Variants in ABHD16A observed in about 807,000 individuals in gnomAD.
ABHD16A encodes abhydrolase domain containing 16A, phospholipase.
A neutral mutation model predicts 89.8 loss-of-function variants in ABHD16A; 47 were observed. The observed-to-expected ratio is 0.52, with a 90% CI of 0.41 to 0.67. The LOEUF is 0.67. ABHD16A is among the 30% of genes least tolerant of loss of function. ABHD16A has a pLI of 0.00. For synonymous variants in ABHD16A, 251 were observed against 280.4 expected, an observed-to-expected ratio of 0.90 and a Z score of 1.05; for missense variants, 580 against 734.6, an observed-to-expected ratio of 0.79 and a Z score of 2.43.
intron 7 of ABHD16A, 105 bp from the exon 8 acceptor site, chr6:31,692,023 C>G: frequency 1.2e-6 from 1 of 825,344 alleles, no homozygotes; most frequent in Non-Finnish European, 1.9e-6. Context: ...CCTGCTTTAC[C>G]CCTGACCTTC....
In ABHD16A at chr6:31,693,396, A is replaced by G; in HGVS notation, c.466T>C (p.Trp156Arg). 6.2e-7 allele frequency: 1 copy of G among 1,613,046 alleles called. No homozygotes were observed. Among genetic ancestry groups the G allele is most frequent in the Non-Finnish European group, 8.5e-7 (1 of 1,180,028 alleles). ...LANYNFDFRS[W>R]PVDFHWEEPS... ...TCTTCCCAGTGGAAGTCGACTGGCC[A>G]GCTCCGGAAGTCAAAGTTGTAGTTG... Residue 156 changes from tryptophan (W) to arginine (R), a missense_variant, in exon 6 of 20, where the codon TGG (tryptophan) becomes CGG (arginine). This residue lies in a region of ABHD16A where 415 missense variants were observed against 568.8 expected (regional missense o/e 0.73). Coordinates refer to ENST00000395952, the MANE Select transcript of ABHD16A (RefSeq NM_021160.3). This position sits in a 1 kb window ranked among gnomAD's most constrained non-coding sequence, Gnocchi z 5.0.
At chr6:31,701,100 A>C in intron 3 of ABHD16A, 72 bp from the exon 4 acceptor site, 1 of 1,413,706 alleles carries the variant, frequency 7.1e-7, no homozygotes, top group Non-Finnish European at 1.0e-6. Context: ...GTTCAGCCCC[A>C]ACCTCCACCC....
At chr6:31,700,761 A>G (rs1366849548) in intron 4 of ABHD16A, among the ~76,000 whole-genome samples, 181 bp downstream of exon 4, 1 of 149,354 alleles carries the variant, frequency 6.7e-6, no homozygotes, top group Non-Finnish European at 1.5e-5. Context: ...CCTTTTTGTT[A>G]CTTTTCAGTT....
intron 5 of ABHD16A, among the ~76,000 whole-genome samples, chr6:31,694,198 G>T (rs1804168545): frequency 6.6e-6 from 1 of 151,866 alleles, no homozygotes. Flanking sequence ...TGGGACTACA[G>T]ACATGTGCTA....
At chr6:31,692,133 A>G in intron 7 of ABHD16A, 1 of 528,898 alleles carries the variant, frequency 1.9e-6, no homozygotes, top group Non-Finnish European at 3.4e-6. Context: ...AACATTTTAT[A>G]TTGTGGCTCA....
In ABHD16A at chr6:31,689,500, A is replaced by C. The variant is rs1464952704; in HGVS notation, c.1081+81T>G. Reference sequence around the variant, plus strand: ...CTCTTCTTCCTTGAGCCTCCACCCCACCCCATTTCCCCACCTCTCCCGGGT... The same window carrying C: ...CTCTTCTTCCTTGAGCCTCCACCCCCCCCCATTTCCCCACCTCTCCCGGGT... On this transcript the variant is annotated intron_variant, in intron 12 of 19. Transcript: ENST00000395952. The C allele has an allele frequency of 3.9e-5, 56 of 1,444,990 alleles. No individual in the cohort carries two copies. The East Asian group carries it at 1.4e-3, about 36-fold the overall frequency. 89.5% of individuals were successfully genotyped at this position (1,444,990 alleles called of 1,614,324 possible).
At position 31,691,614 on chromosome 6, in the gene ABHD16A, G is replaced by A. The variant is rs1306314144; in HGVS notation, c.808C>T (p.Arg270Trp). ...CCCTGGGGCTCAGCTGTCCCCCGCC[G>A]GTCCACAAACATGGTGTCAATCTCA... ...GNEIDTMFVDRRGTAEPQGQK... is the reference protein window; with the variant it reads ...GNEIDTMFVDWRGTAEPQGQK... The change falls in exon 9 of 20, where the codon CGG (arginine) becomes TGG (tryptophan). Residue 270 changes from arginine to tryptophan, a missense_variant. Around this residue, in one of 2 missense-constraint regions of ABHD16A, gnomAD observed 415 missense variants for 568.8 expected, o/e 0.73. Coordinates refer to ENST00000395952, the MANE Select transcript of ABHD16A (RefSeq NM_021160.3). 5 of 1,612,780 alleles carry A rather than the reference G, an allele frequency of 3.1e-6. No individual in the cohort carries two copies. Among genetic ancestry groups the A allele is most frequent in the Non-Finnish European group, 4.2e-6 (5 of 1,179,998 alleles).
At chr6:31,695,380 T>A (rs918926528) in intron 5 of ABHD16A, among the ~76,000 whole-genome samples, 1 of 152,154 alleles carries the variant, frequency 6.6e-6, no homozygotes, top group African/African-American at 2.4e-5. Flanking sequence ...ACAACAAAAT[T>A]AAACATTTAT....
At position 31,701,983 on chromosome 6, in the gene ABHD16A, G is replaced by A. The variant is rs749044071; in HGVS notation, c.189+91C>T. ...AGCCCAGGGCATCCCCCAACCCCAGGGCACTGTTGCTCCCAAGTTAGGGAG... is the reference window on the plus strand; with the variant it reads ...AGCCCAGGGCATCCCCCAACCCCAGAGCACTGTTGCTCCCAAGTTAGGGAG... On this transcript the variant is annotated intron_variant, in intron 2 of 19. Transcript: ENST00000395952. 48 of 1,448,156 alleles carry A rather than the reference G, an allele frequency of 3.3e-5. 1 individual carries two copies. Among genetic ancestry groups the A allele is most frequent in the Non-Finnish European group, 4.3e-5 (44 of 1,032,862 alleles). The allele number at this position is 1,448,156 out of a possible 1,614,324, so 89.7% of individuals were successfully genotyped here. A position where few individuals can be genotyped will look rare whatever the true frequency, so the allele number is the denominator to read the frequency against.
chr6:31,687,473 T>G lies in ABHD16A; in HGVS notation c.1593+25A>C, dbSNP rs750342716. 1 of 1,612,956 alleles carries G rather than the reference T, an allele frequency of 6.2e-7. No individual in the cohort carries two copies. The highest frequency in any genetic ancestry group is 8.5e-7 in the Non-Finnish European group (1 of 1,179,966). On this transcript the variant is annotated intron_variant, in intron 19 of 19. Transcript: ENST00000395952. The surrounding 1 kb of genome is among the most constrained non-coding windows in gnomAD (Gnocchi z 6.3). Reference sequence around the variant, plus strand: ...TGAGCCCTGGCCATTCAAGAACCCTTCCCACTTCCCACTCCTTAGCTCACC... The same window carrying G: ...TGAGCCCTGGCCATTCAAGAACCCTGCCCACTTCCCACTCCTTAGCTCACC...
chr6:31,696,121 G>A (rs1804366327), intron 5 of ABHD16A, among the ~76,000 whole-genome samples: 1 of 148,572 alleles, frequency 6.7e-6, no homozygotes, highest in African/African-American at 2.5e-5. Flanking sequence ...CTGAGATGGC[G>A]CCACTGCACT....
Position 31,703,131 on chromosome 6 carries a change from G to A in ABHD16A, c.132+19C>T. ...TTTGGACTGTACCACGTTCTTCGGTGGGGAGGAACTCGACTCACCCAGGAG... is the reference window on the plus strand; with the variant it reads ...TTTGGACTGTACCACGTTCTTCGGTAGGGAGGAACTCGACTCACCCAGGAG... On this transcript the variant is annotated intron_variant, in intron 1 of 19. Transcript: ENST00000395952. 6 of 1,416,206 alleles carry A rather than the reference G, an allele frequency of 4.2e-6. No individual in the cohort carries two copies. In the South Asian group the frequency reaches 4.9e-5, roughly 11 times the overall value. The allele number at this position is 1,416,206 out of a possible 1,614,324, so 87.7% of individuals were successfully genotyped here. A position where few individuals can be genotyped will look rare whatever the true frequency, so the allele number is the denominator to read the frequency against.
At chr6:31,692,745 A>ACCC in intron 7 of ABHD16A, 2 of 107,218 alleles carry the variant, frequency 1.9e-5, no homozygotes, top group South Asian at 1.2e-4. Context: ...TGTCCTCCCC[A>ACCC]CCCCCACCCC....
rs917371008 is a variant in ABHD16A, at chr6:31,688,186, T to C, written c.1307+63A>G. ...TACCCAGGTTTCTGGTGGGCAGAGG[T>C]AGAAGGGACAAGTTCCTGGCCATCT... On this transcript the variant is annotated intron_variant, in intron 15 of 19. Transcript: ENST00000395952. This position sits in a 1 kb window ranked among gnomAD's most constrained non-coding sequence, Gnocchi z 4.9. 3 of 1,606,640 alleles carry C rather than the reference T, an allele frequency of 1.9e-6. No individual in the cohort carries two copies. Among genetic ancestry groups the C allele is most frequent in the East Asian group, 4.5e-5 (2 of 44,838 alleles).
chr6:31,703,299 C>T lies in ABHD16A; in HGVS notation c.-18G>A. 1 of 1,342,000 alleles carries T rather than the reference C, an allele frequency of 7.5e-7. No homozygotes were observed. The highest frequency in any genetic ancestry group is 2.3e-5 in the South Asian group (1 of 44,180). The allele number at this position is 1,342,000 out of a possible 1,614,324, so 83.1% of individuals were successfully genotyped here. A position where few individuals can be genotyped will look rare whatever the true frequency, so the allele number is the denominator to read the frequency against. Reference sequence around the variant, plus strand: ...TTCGCCATGGCCCCGGCTCGGGCCGCTGCTCTTCCAGCAGCAGGTCCCCCT... The same window carrying T: ...TTCGCCATGGCCCCGGCTCGGGCCGTTGCTCTTCCAGCAGCAGGTCCCCCT... On this transcript the variant is annotated 5_prime_UTR_variant, in exon 1 of 20. Coordinates refer to ENST00000395952, the MANE Select transcript of ABHD16A (RefSeq NM_021160.3).
Position 31,691,815 on chromosome 6 carries a change from G to C in ABHD16A, c.730C>G (p.Leu244Val). 6.2e-7 allele frequency: 1 copy of C among 1,609,680 alleles called. No individual in the cohort carries two copies. Among genetic ancestry groups the C allele is most frequent in the Non-Finnish European group, 8.5e-7 (1 of 1,178,446 alleles). ...CAGGGAAGCCTCACCTCTTCCACCA[G>C]TCGGGCCTGGCCCTGCAGCAGCACA... is the stretch of plus-strand genomic sequence containing the variant. Reference protein sequence around the residue: ...MPVLLQGQARLVEECNGRRAK... With the variant: ...MPVLLQGQARVVEECNGRRAK... The change falls in exon 8 of 20, where the codon CTG (leucine) becomes GTG (valine). Residue 244 changes from leucine (L) to valine (V), a missense_variant. Around this residue, in one of 2 missense-constraint regions of ABHD16A, gnomAD observed 415 missense variants for 568.8 expected, o/e 0.73. Transcript: ENST00000395952.
Position 31,690,618 on chromosome 6 carries a change from G to A in ABHD16A, c.844-16C>T. 2 of 1,612,800 alleles carry A rather than the reference G, an allele frequency of 1.2e-6. No homozygotes were observed. The highest frequency in any genetic ancestry group is 1.7e-6 in the Non-Finnish European group (2 of 1,179,882). On this transcript the variant is annotated splice_polypyrimidine_tract_variant and intron_variant, in intron 9 of 19. Coordinates refer to ENST00000395952, the MANE Select transcript of ABHD16A (RefSeq NM_021160.3). The surrounding 1 kb of genome is among the most constrained non-coding windows in gnomAD (Gnocchi z 4.1). ...AGCAGATCACCTAGGAAGGAGGCAG[G>A]AAGGAAGGGCTGGGGGGCCAAGTTG...
Position 31,687,096 on chromosome 6 carries a change from TC to T in ABHD16A, c.*115del. 1.0e-6 allele frequency: 1 copy of T among 1,001,198 alleles called. No homozygotes were observed. The highest frequency in any genetic ancestry group is 1.5e-6 in the Non-Finnish European group (1 of 671,120). 62.0% of individuals were successfully genotyped at this position (1,001,198 alleles called of 1,614,324 possible). On this transcript the variant is annotated 3_prime_UTR_variant, in exon 20 of 20. Transcript: ENST00000395952. The surrounding 1 kb of genome is among the most constrained non-coding windows in gnomAD (Gnocchi z 6.3). ...GGAACAGTGGTGAGAAGGGGGATGG[TC>T]CCCCACTTTCCACAAACTATAAACA...
At position 31,688,168 on chromosome 6, in the gene ABHD16A, G is replaced by A. The variant is rs1803492314; in HGVS notation, c.1308-65C>T. ...TAGGAGGAAGGGTCTAGATACCCAG[G>A]TTTCTGGTGGGCAGAGGTAGAAGGG... On this transcript the variant is annotated intron_variant, in intron 15 of 19. Coordinates refer to ENST00000395952, the MANE Select transcript of ABHD16A (RefSeq NM_021160.3). This position sits in a 1 kb window ranked among gnomAD's most constrained non-coding sequence, Gnocchi z 4.9. 7 of 1,605,854 alleles carry A rather than the reference G, an allele frequency of 4.4e-6. No homozygotes were observed. In the South Asian group the frequency reaches 6.6e-5, roughly 15 times the overall value.
Sources: gnomAD v4.1 joint callset for allele counts (sites outside exome capture counted in the v4.1 genomes callset) on GRCh38, gnomAD v4.1.1 for gene constraint, gnomAD v4.1.1 regional missense constraint, Gnocchi (gnomAD v3.1) non-coding constraint, MANE v1.5 for transcripts, NCBI Gene and HGNC (gene_info 2026-07-23, HGNC 2026-07-21) for gene names.